The following CDH26 variants were observed in gnomAD, a reference collection of about 807,000 sequenced individuals.
The protein encoded by CDH26 is cadherin 26.
A neutral mutation model predicts 90.3 loss-of-function variants in CDH26; 83 were observed. The observed-to-expected ratio is 0.92, with a 90% CI of 0.77 to 1.10. The LOEUF is 1.10. CDH26 is among the 50% of genes least tolerant of loss of function. The probability of loss-of-function intolerance (pLI) is 0.00; values close to 1 mark genes in which losing one functional copy is unlikely to be tolerated. For synonymous variants in CDH26, 397 were observed against 396.3 expected (o/e 1.00, Z -0.02); for missense variants, 1,013 against 1,037.6 (o/e 0.98, Z 0.33).
intron 7 of CDH26, 117 bp from the exon 8 acceptor site, chr20:59,987,336 A>T: frequency 1.2e-6 from 1 of 862,378 alleles, no homozygotes; most frequent in East Asian, 2.8e-5. Context: ...GAGGAGCAAC[A>T]TTCTTTCTCC....
At chr20:60,009,084 CAG>C (rs1354451617) in intron 17 of CDH26, among the ~76,000 whole-genome samples, 1 of 152,184 alleles carries the variant, frequency 6.6e-6, no homozygotes, top group Non-Finnish European at 1.5e-5. Context: ...GTGCATGACA[CAG>C]GGGTCACTGA....
downstream of CDH26, among the ~76,000 whole-genome samples, chr20:60,017,875 C>T (rs1170109194): frequency 6.6e-6 from 1 of 152,046 alleles, no homozygotes; most frequent in Non-Finnish European, 1.5e-5. Flanking sequence ...CCTTGGTCAT[C>T]AGGAGCATGT....
chr20:60,007,783 C>T (rs1306051850), intron 17 of CDH26, among the ~76,000 whole-genome samples: 1 of 151,962 alleles, frequency 6.6e-6, no homozygotes, highest in African/African-American at 2.4e-5. Context: ...TTTTGGTCAG[C>T]AGGGTTGTGA....
In CDH26 at chr20:59,971,957, T is replaced by C; in HGVS notation, c.232-5T>C. ...TTTTCTTCTTTCCATTTTTCCTCCTTCCAGCTGTTCAATAATATGTCTTAT... is the reference window on the plus strand; with the variant it reads ...TTTTCTTCTTTCCATTTTTCCTCCTCCCAGCTGTTCAATAATATGTCTTAT... On this transcript the variant is annotated splice_polypyrimidine_tract_variant and splice_region_variant and intron_variant, in intron 3 of 17. Transcript: ENST00000348616. 1 of 1,610,510 alleles carries C rather than the reference T, an allele frequency of 6.2e-7. No homozygotes were observed.
At chr20:60,006,808 G>A in intron 17 of CDH26, 21 bp downstream of exon 17, 2 of 1,591,142 alleles carry the variant, frequency 1.3e-6, no homozygotes, top group Non-Finnish European at 1.7e-6. Context: ...CTCCCCTTGT[G>A]CTGTGCACTA....
chr20:59,975,686 T>C (rs945228461), intron 4 of CDH26, among the ~76,000 whole-genome samples: 3 of 152,232 alleles, frequency 2.0e-5, no homozygotes, highest in African/African-American at 7.2e-5. Context: ...AGCTTAACCA[T>C]CTGCTCCTGT....
Position 59,971,966 on chromosome 20 carries a change from T to C in CDH26, c.236T>C (p.Phe79Ser), listed in dbSNP as rs1601102571. 1 of 1,612,284 alleles carries C rather than the reference T, an allele frequency of 6.2e-7. No individual in the cohort carries two copies. Among genetic ancestry groups the C allele is most frequent in the African/African-American group, 1.3e-5 (1 of 74,986 alleles). ...GPFPKLIGEL[F>S]NNMSYNMSLM... ...TTCCATTTTTCCTCCTTCCAGCTGTTCAATAATATGTCTTATAACATGTCA... is the reference window on the plus strand; with the variant it reads ...TTCCATTTTTCCTCCTTCCAGCTGTCCAATAATATGTCTTATAACATGTCA... The change falls in exon 4 of 18, where the codon TTC becomes TCC. Residue 79 changes from phenylalanine to serine, a missense_variant. Phe to Ser is a radical substitution (Grantham distance 155). Transcript: ENST00000348616.
Position 59,987,614 on chromosome 20 carries a change from C to T in CDH26, c.999C>T (p.Asn333=), listed in dbSNP as rs529910172. 2.8e-5 allele frequency: 45 copies of T among 1,612,618 alleles called. No homozygotes were observed. Among genetic ancestry groups the T allele is most frequent in the Admixed American group, 1.2e-4 (7 of 59,796 alleles). The change falls in exon 8 of 18, where the codon AAC becomes AAT. Residue 333 remains asparagine (N), a synonymous_variant. Coordinates refer to ENST00000348616, the MANE Select transcript of CDH26 (RefSeq NM_177980.4). ...HFDISTDPET[N]EGILNVIKPL... ...ACATTTCGACTGACCCTGAGACCAA[C>T]GAAGGGATATTAAATGTTATCAAGG...
intron 7 of CDH26, among the ~76,000 whole-genome samples, chr20:60,020,744 C>T (rs1381111227): frequency 6.6e-6 from 1 of 152,116 alleles, no homozygotes; most frequent in African/African-American, 2.4e-5. Context: ...GCTTGGCTCA[C>T]AATGTGGGGG....
chr20:59,968,257 C>T (rs2061204991), intron 1 of CDH26, among the ~76,000 whole-genome samples: 1 of 151,748 alleles, frequency 6.6e-6, no homozygotes, highest in African/African-American at 2.4e-5. Context: ...GCCACCATGG[C>T]CGGCTAATTT....
At chr20:59,994,636 TC>T (rs1193342833) in intron 11 of CDH26, 147 bp downstream of exon 11, 12 of 952,222 alleles carry the variant, frequency 1.3e-5, no homozygotes, top group Non-Finnish European at 1.8e-5. Context: ...TCAAAGGATA[TC>T]CCTGGATATC....
chr20:60,032,769 G>A (rs964778362), intron 8 of CDH26, among the ~76,000 whole-genome samples: 1 of 147,640 alleles, frequency 6.8e-6, no homozygotes, highest in Non-Finnish European at 1.5e-5. Context: ...AACACCGCAT[G>A]TTCTCACTCA....
At chr20:59,972,647 G>A (rs2145975943) in intron 4 of CDH26, among the ~76,000 whole-genome samples, 1 of 152,214 alleles carries the variant, frequency 6.6e-6, no homozygotes, top group African/African-American at 2.4e-5. Flanking sequence ...AAATTATAAA[G>A]AAAAAAGCCC....
rs2061886000 is a variant in CDH26 at position 60,014,306 on chromosome 20, A to G, written c.*1576A>G. 1 of 152,182 alleles carries G rather than the reference A, an allele frequency of 6.6e-6. No homozygotes were observed. Among genetic ancestry groups the G allele is most frequent in the Non-Finnish European group, 1.5e-5 (1 of 68,048 alleles). The allele number at this position is 152,182 out of a possible 1,614,324, so 9.4% of individuals were successfully genotyped here. A position where few individuals can be genotyped will look rare whatever the true frequency, so the allele number is the denominator to read the frequency against. On this transcript the variant is annotated 3_prime_UTR_variant, in exon 18 of 18. Coordinates refer to ENST00000348616, the MANE Select transcript of CDH26 (RefSeq NM_177980.4). ...TTCTTTGTATTGGTACGGAGCATTC[A>G]ATATCCATCCCCCTTCTAGCTATCT...
intron 1 of CDH26, among the ~76,000 whole-genome samples, chr20:59,968,243 G>A (rs769227289): frequency 7.9e-5 from 12 of 151,692 alleles, no homozygotes; most frequent in South Asian, 4.2e-4. Flanking sequence ...GATTACAGGC[G>A]CGTGCCACCA....
chr20:60,017,528 A>G (rs112039558), downstream of CDH26, among the ~76,000 whole-genome samples: 3 of 151,470 alleles, frequency 2.0e-5, no homozygotes, highest in Admixed American at 6.6e-5. Flanking sequence ...TGGTTTGTTG[A>G]TTTCATTTAT....
chr20:59,996,009 GT>G lies in CDH26; in HGVS notation c.1844del (p.Val615GlyfsTer119). On this transcript the variant is annotated frameshift_variant, in exon 12 of 18. Coordinates refer to ENST00000348616, the MANE Select transcript of CDH26 (RefSeq NM_177980.4). LOFTEE classifies it high-confidence loss of function. ...TGCAGATGCAGAAGTGGGGCTTCAT[GT>G]GGGGGCCCTGTTCCCTGTCTGTGCA... ...ELADAEVGLH[V>X]GALFPVCAAF... is the part of the protein sequence containing the mutation. The G allele has an allele frequency of 6.2e-7, 1 of 1,614,052 alleles. No homozygotes were observed. The highest frequency in any genetic ancestry group is 8.5e-7 in the Non-Finnish European group (1 of 1,180,042).
At chr20:59,998,146 T>C (rs543729114) in intron 13 of CDH26, among the ~76,000 whole-genome samples, 1 of 152,368 alleles carries the variant, frequency 6.6e-6, no homozygotes, top group East Asian at 1.9e-4. Flanking sequence ...GCAGTCTTTG[T>C]GTAACAGTAG....
chr20:59,982,805 G>A (rs1055049220), intron 4 of CDH26, 118 bp from the exon 5 acceptor site: 66 of 1,198,230 alleles, frequency 5.5e-5, no homozygotes, highest in Middle Eastern at 4.3e-4. Context: ...CCTGCCCTCC[G>A]GAACTCTCAG....
Sources: gnomAD v4.1 joint callset for allele counts (sites outside exome capture counted in the v4.1 genomes callset) on GRCh38, gnomAD v4.1.1 for gene constraint, MANE v1.5 for transcripts, NCBI Gene and HGNC (gene_info 2026-07-23, HGNC 2026-07-21) for gene names.